Variants in HS2ST1 observed in about 807,000 individuals in gnomAD.
HS2ST1 encodes the protein heparan sulfate 2-O-sulfotransferase 1, also known as 2-O-sulfotransferase.
HS2ST1 carries 18 observed loss-of-function variants against 42.9 expected under a neutral mutation model. The observed-to-expected ratio is 0.42, with a 90% CI of 0.29 to 0.62. The LOEUF is 0.62. Ranked by LOEUF, HS2ST1 falls within the 20% of genes least tolerant of loss-of-function variation. The probability of loss-of-function intolerance (pLI) is 0.21; values close to 1 mark genes in which losing one functional copy is unlikely to be tolerated. For missense variants in HS2ST1, 334 were observed against 433.8 expected (o/e 0.77, Z 2.04); for synonymous variants, 146 against 152.9 (o/e 0.95, Z 0.33).
intron 1 of HS2ST1, among the ~76,000 whole-genome samples, chr1:86,974,987 C>T (rs1648353055): frequency 6.6e-6 from 1 of 152,090 alleles, no homozygotes. Flanking sequence ...TCTTGGGACT[C>T]CTTTGAGTAC....
chr1:86,942,103 G>A (rs960830160), intron 1 of HS2ST1, among the ~76,000 whole-genome samples: 2 of 152,150 alleles, frequency 1.3e-5, no homozygotes, highest in Non-Finnish European at 1.5e-5. Flanking sequence ...ATTTGAAAAT[G>A]CTTGCAAACC....
chr1:86,983,533 T>A (rs1329781450), intron 1 of HS2ST1, among the ~76,000 whole-genome samples: 3 of 152,018 alleles, frequency 2.0e-5, no homozygotes, highest in Non-Finnish European at 4.4e-5. Flanking sequence ...CCTCGACACA[T>A]GGGATTACAA....
intron 1 of HS2ST1, among the ~76,000 whole-genome samples, chr1:86,991,995 G>T (rs1170330982): frequency 6.6e-6 from 1 of 152,212 alleles, no homozygotes; most frequent in Non-Finnish European, 1.5e-5. Flanking sequence ...AGCAGGAGGT[G>T]AGTGGCATTA....
At chr1:87,078,718 A>T (rs1387842291) in intron 2 of HS2ST1, among the ~76,000 whole-genome samples, 1 of 152,230 alleles carries the variant, frequency 6.6e-6, no homozygotes, top group East Asian at 1.9e-4. Flanking sequence ...CCATAAAGTG[A>T]ACTGAGTAGA....
At chr1:87,033,599 A>C (rs923355285) in intron 1 of HS2ST1, among the ~76,000 whole-genome samples, 1 of 152,044 alleles carries the variant, frequency 6.6e-6, no homozygotes, top group Non-Finnish European at 1.5e-5. Flanking sequence ...GCTGGAGTGC[A>C]ATGGCAAGAT....
chr1:86,914,732 C>T lies in HS2ST1; in HGVS notation c.-305C>T, dbSNP rs949208082. The T allele has an allele frequency of 1.1e-5, 4 of 371,368 alleles. No individual in the cohort carries two copies. The highest frequency in any genetic ancestry group is 2.0e-5 in the Non-Finnish European group (4 of 203,810). 23.0% of individuals were successfully genotyped at this position (371,368 alleles called of 1,614,324 possible). A position where few individuals can be genotyped will look rare whatever the true frequency, so the allele number is the denominator to read the frequency against. ...CGGGCAAGCAGGCGGGCGCGGGGGT[C>T]GGGGACTGAGGCAGTAGAGGGAGGC... On this transcript the variant is annotated 5_prime_UTR_variant, in exon 1 of 7. Transcript: ENST00000370550.
At chr1:87,050,636 C>G (rs1401338182) in intron 1 of HS2ST1, among the ~76,000 whole-genome samples, 1 of 152,070 alleles carries the variant, frequency 6.6e-6, no homozygotes, top group Non-Finnish European at 1.5e-5. Context: ...ACTACTTGCT[C>G]TTATATCACC....
At chr1:86,996,932 T>A (rs1649118309) in intron 1 of HS2ST1, among the ~76,000 whole-genome samples, 1 of 152,158 alleles carries the variant, frequency 6.6e-6, no homozygotes, top group Non-Finnish European at 1.5e-5. Context: ...ATCAAATGAA[T>A]TCTCCTACTG....
At chr1:87,070,525 G>A (rs1350132806) in intron 1 of HS2ST1, among the ~76,000 whole-genome samples, 9 of 152,086 alleles carry the variant, frequency 5.9e-5, no homozygotes, top group Non-Finnish European at 1.0e-4. Flanking sequence ...TGGGGAGGTC[G>A]AGGCTGCAGT....
intron 1 of HS2ST1, among the ~76,000 whole-genome samples, chr1:86,997,195 C>T (rs1390648088): frequency 1.3e-5 from 2 of 152,074 alleles, no homozygotes; most frequent in African/African-American, 2.4e-5. Context: ...GAGGCCTAAT[C>T]GTGGGGGTTG....
At chr1:86,975,497 T>C (rs1485668493) in intron 1 of HS2ST1, among the ~76,000 whole-genome samples, 2 of 152,266 alleles carry the variant, frequency 1.3e-5, no homozygotes, top group East Asian at 3.9e-4. Flanking sequence ...GCTACTAATA[T>C]ATGTAAATAG....
intron 1 of HS2ST1, among the ~76,000 whole-genome samples, chr1:87,020,100 C>G (rs573577032): frequency 6.6e-6 from 1 of 152,020 alleles, no homozygotes; most frequent in East Asian, 1.9e-4. Context: ...TTATTTTGGC[C>G]TTTTTATTAC....
chr1:87,071,385 C>A (rs1557535886), intron 1 of HS2ST1, among the ~76,000 whole-genome samples: 1 of 152,124 alleles, frequency 6.6e-6, no homozygotes, highest in African/African-American at 2.4e-5. Flanking sequence ...TGTAAAACTG[C>A]AATTATGATA....
At chr1:86,950,360 A>G (rs1246731236) in intron 1 of HS2ST1, among the ~76,000 whole-genome samples, 1 of 151,838 alleles carries the variant, frequency 6.6e-6, no homozygotes, top group Non-Finnish European at 1.5e-5. Context: ...GGGTAGATAG[A>G]TAGGTAGGTA....
chr1:86,969,343 T>C (rs957262356), intron 1 of HS2ST1, among the ~76,000 whole-genome samples: 3 of 152,210 alleles, frequency 2.0e-5, no homozygotes, highest in African/African-American at 7.2e-5. Context: ...AACTTGTTTA[T>C]TGAGCCTTTT....
intron 1 of HS2ST1, among the ~76,000 whole-genome samples, chr1:86,961,236 A>G (rs1001577784): frequency 1.3e-5 from 2 of 152,014 alleles, no homozygotes; most frequent in African/African-American, 4.8e-5. Flanking sequence ...GACTCTGTCC[A>G]TTAAAAAAAA....
intron 1 of HS2ST1, among the ~76,000 whole-genome samples, chr1:87,068,504 CAG>C (rs1651312304): frequency 6.6e-6 from 1 of 152,214 alleles, no homozygotes; most frequent in African/African-American, 2.4e-5. Context: ...CATCTGCAAA[CAG>C]AGACAATATG....
chr1:86,987,270 T>G (rs1444267518), intron 1 of HS2ST1, among the ~76,000 whole-genome samples: 2 of 151,578 alleles, frequency 1.3e-5, no homozygotes. Context: ...GAGACAGGGT[T>G]TTACCATGTC....
intron 1 of HS2ST1, among the ~76,000 whole-genome samples, chr1:86,980,502 G>A (rs560667732): frequency 6.6e-6 from 1 of 151,916 alleles, no homozygotes; most frequent in East Asian, 1.9e-4. Context: ...AATTTCTTCA[G>A]TGTGCATATA....
Sources: gnomAD v4.1 joint callset for allele counts (sites outside exome capture counted in the v4.1 genomes callset) on GRCh38, gnomAD v4.1.1 for gene constraint, MANE v1.5 for transcripts, NCBI Gene and HGNC (gene_info 2026-07-23, HGNC 2026-07-21) for gene names.